Variants in MINDY4 observed in about 807,000 individuals in gnomAD.
MINDY4 encodes probable ubiquitin carboxyl-terminal hydrolase MINDY-4.
MINDY4 carries 68 observed loss-of-function variants against 87.0 expected under a neutral mutation model. The observed-to-expected ratio is 0.78, with a 90% CI of 0.64 to 0.96. MINDY4 has a LOEUF of 0.96. MINDY4 is among the 40% of genes least tolerant of loss of function. The probability of loss-of-function intolerance (pLI) is 0.00; values close to 1 mark genes in which losing one functional copy is unlikely to be tolerated. For missense variants in MINDY4, 919 were observed against 928.2 expected, an observed-to-expected ratio of 0.99 and a Z score of 0.13; for synonymous variants, 379 against 363.2, an observed-to-expected ratio of 1.04 and a Z score of -0.50.
chr7:30,884,479 G>A (rs560453514), intron 17 of MINDY4, among the ~76,000 whole-genome samples: 15 of 152,350 alleles, frequency 9.8e-5, no homozygotes, highest in Admixed American at 2.0e-4. Context: ...GGGGACAGGA[G>A]GTGACACTAG....
At chr7:30,785,421 G>A (rs1787134596) in intron 3 of MINDY4, among the ~76,000 whole-genome samples, 2 of 152,144 alleles carry the variant, frequency 1.3e-5, no homozygotes, top group South Asian at 4.1e-4. Context: ...CCGCATGACT[G>A]TACTGAAAGG....
chr7:30,786,726 A>G (rs2128167160), intron 4 of MINDY4: 1 of 136,942 alleles, frequency 7.3e-6, no homozygotes, highest in Non-Finnish European at 1.6e-5. Context: ...TTATAGTTTC[A>G]TTTATTCTGC....
chr7:30,791,645 A>G (rs1336894608), intron 5 of MINDY4, 71 bp downstream of exon 5: 1 of 1,457,428 alleles, frequency 6.9e-7, no homozygotes, highest in Non-Finnish European at 9.2e-7. Flanking sequence ...TCTAGTCCCT[A>G]ATGGCTCCGA....
At chr7:30,782,709 A>G (rs1787042827) in intron 3 of MINDY4, among the ~76,000 whole-genome samples, 2 of 150,704 alleles carry the variant, frequency 1.3e-5, no homozygotes, top group Non-Finnish European at 2.9e-5. Context: ...TCTCTTAAAA[A>G]AGAAAAAAAA....
intron 14 of MINDY4, among the ~76,000 whole-genome samples, chr7:30,873,891 C>G (rs750567208): frequency 6.6e-6 from 1 of 152,212 alleles, no homozygotes; most frequent in Non-Finnish European, 1.5e-5. Context: ...ATTCTTGTGT[C>G]TCATTTCCTC....
chr7:30,836,124 G>A (rs1204789719), intron 6 of MINDY4, among the ~76,000 whole-genome samples: 3 of 152,204 alleles, frequency 2.0e-5, no homozygotes, highest in Non-Finnish European at 4.4e-5. Flanking sequence ...TAAGGCTGTT[G>A]TGGAAGAAGG....
intron 9 of MINDY4, among the ~76,000 whole-genome samples, chr7:30,842,964 G>A (rs1789087731): frequency 6.6e-6 from 1 of 152,152 alleles, no homozygotes; most frequent in Non-Finnish European, 1.5e-5. Context: ...GATAAAACCA[G>A]GCCCTGCCTC....
chr7:30,886,905 T>A (rs1790647719), intron 17 of MINDY4, among the ~76,000 whole-genome samples: 1 of 152,128 alleles, frequency 6.6e-6, no homozygotes, highest in Non-Finnish European at 1.5e-5. Context: ...TATGGTCATT[T>A]CCAAACGAGA....
intron 13 of MINDY4, among the ~76,000 whole-genome samples, chr7:30,868,432 C>T (rs926312914): frequency 6.6e-5 from 10 of 152,178 alleles, no homozygotes; most frequent in African/African-American, 2.4e-4. Context: ...GAGAAAGATG[C>T]ATTTGAAGGT....
chr7:30,868,808 GGCATCCCTGGAGGCTGGGTCATCCAA>G (rs966541762), intron 13 of MINDY4, among the ~76,000 whole-genome samples: 2 of 152,180 alleles, frequency 1.3e-5, no homozygotes, highest in South Asian at 2.1e-4. Context: ...GGGTGATACA[GGCATCCCTGGAGGCTGGGTCATCCAA>G]GCATCCCTGG....
rs532682770 is a variant in MINDY4 at position 30,872,001 on chromosome 7, G to T, written c.1746-242G>T. 1.2e-4 allele frequency among the ~76,000 whole-genome samples: 19 copies of T among 152,232 alleles called. No individual in the cohort carries two copies. In the South Asian group the frequency reaches 2.1e-3, roughly 17 times the overall value. On this transcript the variant is annotated intron_variant, in intron 13 of 17. Coordinates refer to ENST00000265299, the MANE Select transcript of MINDY4 (RefSeq NM_032222.3). Reference sequence around the variant, plus strand: ...GTGTAGGCAGAGCCCTGGTGCGGCTGGAGTGGAGGCCATTGCCCAGAGAAT... The same window carrying T: ...GTGTAGGCAGAGCCCTGGTGCGGCTTGAGTGGAGGCCATTGCCCAGAGAAT...
chr7:30,877,055 A>G (rs1051369950), intron 15 of MINDY4, among the ~76,000 whole-genome samples: 1 of 152,158 alleles, frequency 6.6e-6, no homozygotes, highest in Admixed American at 6.5e-5. Flanking sequence ...CCAAAAGCAG[A>G]CTTCTGGGTC....
intron 5 of MINDY4, among the ~76,000 whole-genome samples, chr7:30,793,441 G>T (rs1787385548): frequency 1.3e-5 from 2 of 148,256 alleles, no homozygotes; most frequent in South Asian, 2.1e-4. Flanking sequence ...TTGGAGACAG[G>T]GTCTCATTCT....
rs757692965 is a variant in MINDY4 at position 30,782,006 on chromosome 7, T to G, written c.213T>G (p.Leu71=). ...AGGAAAATCCTCTAAAAACAAGCCT[T>G]GAACTCATCACCAGATACTTTCTGG... ...KAKENPLKTS[L]ELITRYFLDH... Residue 71 remains leucine (L), a synonymous_variant, in exon 3 of 18, where the codon CTT becomes CTG. Coordinates refer to ENST00000265299, the MANE Select transcript of MINDY4 (RefSeq NM_032222.3). 1 of 1,614,102 alleles carries G rather than the reference T, an allele frequency of 6.2e-7. No individual in the cohort carries two copies. The highest frequency in any genetic ancestry group is 1.1e-5 in the South Asian group (1 of 91,076).
intron 14 of MINDY4, 142 bp downstream of exon 14, chr7:30,872,448 GCCCAC>G: frequency 1.4e-6 from 1 of 713,140 alleles, no homozygotes; most frequent in Non-Finnish European, 2.4e-6. Flanking sequence ...GCTTTCACGT[GCCCAC>G]CTCTGCTGGG....
chr7:30,869,171 A>T (rs1790027605), intron 13 of MINDY4, among the ~76,000 whole-genome samples: 2 of 152,166 alleles, frequency 1.3e-5, no homozygotes, highest in Admixed American at 1.3e-4. Context: ...CCCCAGGAGG[A>T]CATGGAGGAG....
intron 12 of MINDY4, among the ~76,000 whole-genome samples, chr7:30,854,618 C>T (rs1176561372): frequency 6.6e-6 from 1 of 152,166 alleles, no homozygotes; most frequent in Non-Finnish European, 1.5e-5. Context: ...CTTTTTGGCC[C>T]CACAGAAGGC....
intron 13 of MINDY4, among the ~76,000 whole-genome samples, chr7:30,862,823 T>C (rs980910624): frequency 1.3e-5 from 2 of 152,248 alleles, no homozygotes; most frequent in African/African-American, 4.8e-5. Context: ...TTAGGTTCTT[T>C]ATCTAACAGG....
Position 30,868,919 on chromosome 7 carries a change from TCAGGGCAGC to T in MINDY4, c.1746-3308_1746-3300del, listed in dbSNP as rs1034229133. On this transcript the variant is annotated intron_variant, in intron 13 of 17. Transcript: ENST00000265299. ...TGCCAGAATGCTGCAGAGGTTGGTG[TCAGGGCAGC>T]CAGGGCAGCCAGGGCCAAGCCTATT... Among the ~76,000 whole-genome samples, 17 of 151,408 alleles carry T rather than the reference TCAGGGCAGC, an allele frequency of 1.1e-4. No individual in the cohort carries two copies. The East Asian group carries it at 1.4e-3, about 12-fold the overall frequency.
Sources: gnomAD v4.1 joint callset for allele counts (sites outside exome capture counted in the v4.1 genomes callset) on GRCh38, gnomAD v4.1.1 for gene constraint, MANE v1.5 for transcripts, NCBI Gene and HGNC (gene_info 2026-07-23, HGNC 2026-07-21) for gene names.